Variants in NPHP4 observed in about 807,000 individuals in gnomAD.
NPHP4 encodes nephrocystin 4.
In NPHP4, 151 loss-of-function variants were observed where a neutral mutation model predicts 155.8. The ratio of observed to expected loss-of-function variants is 0.97; its 90% CI spans 0.85 to 1.11. The LOEUF is 1.11. Ranked by LOEUF, NPHP4 falls within the 50% of genes least tolerant of loss-of-function variation. The pLI, the probability that NPHP4 is intolerant of heterozygous loss-of-function variation, is 0.00. For missense variants in NPHP4, 1,956 were observed against 1,925.7 expected, an observed-to-expected ratio of 1.02 and a Z score of -0.29; for synonymous variants, 845 against 816.8, an observed-to-expected ratio of 1.03 and a Z score of -0.59.
intron 1 of NPHP4, among the ~76,000 whole-genome samples, chr1:5,987,697 G>C (rs1282878316): frequency 6.6e-6 from 1 of 152,224 alleles, no homozygotes; most frequent in African/African-American, 2.4e-5. Context: ...CATTTCTGCT[G>C]CAAACTGAAA....
intron 16 of NPHP4, among the ~76,000 whole-genome samples, chr1:5,895,099 G>T (rs775086245): frequency 2.4e-4 from 37 of 151,820 alleles, no homozygotes; most frequent in Non-Finnish European, 5.0e-4. Flanking sequence ...ACCAAACACC[G>T]CATGTTCTCA....
intron 23 of NPHP4, among the ~76,000 whole-genome samples, chr1:5,868,684 G>C (rs943063767): frequency 7.0e-6 from 1 of 142,720 alleles, no homozygotes; most frequent in African/African-American, 2.6e-5. Flanking sequence ...ACACATGCAT[G>C]TACACATATA....
At position 5,978,259 on chromosome 1, in the gene NPHP4, C is replaced by T. The variant is rs113902159; in HGVS notation, c.279+11G>A. 7.0e-4 allele frequency: 1,124 copies of T among 1,601,012 alleles called. 9 individuals carry two copies. The African/African-American group carries it at 0.013, about 18-fold the overall frequency. ...CTTGGAGCAGCCCCTGCCACCATCACCAGGGCCCACCTCATTAAAGACGAT... is the reference window on the plus strand; with the variant it reads ...CTTGGAGCAGCCCCTGCCACCATCATCAGGGCCCACCTCATTAAAGACGAT... On this transcript the variant is annotated intron_variant, in intron 3 of 29. Transcript: ENST00000378156.
intron 19 of NPHP4, chr1:5,879,597 C>T: frequency 1.9e-6 from 1 of 519,220 alleles, no homozygotes; most frequent in Non-Finnish European, 3.8e-6. Flanking sequence ...AGGGTTCCCA[C>T]TTCTCCAAAC....
chr1:5,863,309 C>A lies in NPHP4; in HGVS notation c.4237G>T (p.Asp1413Tyr), dbSNP rs115910810. 6.2e-7 allele frequency: 1 copy of A among 1,614,042 alleles called. No individual in the cohort carries two copies. The highest frequency in any genetic ancestry group is 8.5e-7 in the Non-Finnish European group (1 of 1,179,884). Residue 1413 changes from aspartate to tyrosine, a missense_variant, in exon 30 of 30, where the codon GAC (aspartate) becomes TAC (tyrosine). Asp to Tyr is a radical substitution (Grantham distance 160). Transcript: ENST00000378156. ...EILIYINDHE[D>Y]KNEEAFCVKV... is the part of the protein sequence containing the mutation. ...ACGCAAAATGCCTCTTCGTTTTTGT[C>A]CTCATGGTCATTGATGTAGATCAGG...
At chr1:5,951,348 C>T (rs1648000897) in intron 7 of NPHP4, among the ~76,000 whole-genome samples, 1 of 152,256 alleles carries the variant, frequency 6.6e-6, no homozygotes, top group Non-Finnish European at 1.5e-5. Context: ...GTTACCCACA[C>T]CAGTCTCTTG....
Position 5,952,796 on chromosome 1 carries a change from C to G in NPHP4, c.714G>C (p.Thr238=), listed in dbSNP as rs1011986078. The G allele has an allele frequency of 5.6e-6, 9 of 1,596,630 alleles. No individual in the cohort carries two copies. The Admixed American group carries it at 6.9e-5, about 12-fold the overall frequency. The change falls in exon 7 of 30, where the codon ACG becomes ACC. Residue 238 remains threonine, a synonymous_variant. Coordinates refer to ENST00000378156, the MANE Select transcript of NPHP4 (RefSeq NM_015102.5). Reference sequence around the variant, plus strand: ...TGAAGAATAAGTCATCCAAGTGCCCCGTGATGGGCTTCTGGAGGCGAGGCT... The same window carrying G: ...TGAAGAATAAGTCATCCAAGTGCCCGGTGATGGGCTTCTGGAGGCGAGGCT... ...LRKPRLQKPI[T]GHLDDLFFTL...
chr1:5,890,104 C>T lies in NPHP4; in HGVS notation c.2304+764G>A, dbSNP rs1480509481. Among the ~76,000 whole-genome samples the T allele has an allele frequency of 6.6e-6, 1 of 152,112 alleles. No homozygotes were observed. Among genetic ancestry groups the T allele is most frequent in the Non-Finnish European group, 1.5e-5 (1 of 68,012 alleles). ...CAGCTGCTGGAGAGGACAGGAAGCC[C>T]CGGGGGTTCAGCCGTGTCAGGAATC... On this transcript the variant is annotated intron_variant, in intron 17 of 29. Coordinates refer to ENST00000378156, the MANE Select transcript of NPHP4 (RefSeq NM_015102.5). This position sits in a 1 kb window ranked among gnomAD's most constrained non-coding sequence, Gnocchi z 4.9.
At chr1:5,967,458 A>T in intron 4 of NPHP4, 95 bp from the exon 5 acceptor site, 1 of 939,414 alleles carries the variant, frequency 1.1e-6, no homozygotes, top group Non-Finnish European at 1.7e-6. Flanking sequence ...CGCCCACTAG[A>T]GCTTTCTAAA....
intron 3 of NPHP4, among the ~76,000 whole-genome samples, chr1:5,975,805 G>A (rs1054037750): frequency 2.0e-5 from 3 of 152,236 alleles, no homozygotes; most frequent in African/African-American, 4.8e-5. Flanking sequence ...CGGAGTGCAT[G>A]AACATAATCC....
chr1:5,953,356 G>A (rs984763529), intron 6 of NPHP4, among the ~76,000 whole-genome samples: 2 of 152,090 alleles, frequency 1.3e-5, no homozygotes, highest in South Asian at 2.1e-4. Flanking sequence ...CGCCTACCTC[G>A]GCCTCCCAAA....
At chr1:5,898,431 G>A (rs1208257238) in intron 16 of NPHP4, among the ~76,000 whole-genome samples, 6 of 152,216 alleles carry the variant, frequency 3.9e-5, no homozygotes, top group Non-Finnish European at 8.8e-5. Context: ...GGGAGCCCTG[G>A]GCTCCTTGGC....
chr1:5,947,265 G>A, intron 8 of NPHP4, 35 bp from the exon 9 acceptor site: 1 of 1,608,380 alleles, frequency 6.2e-7, no homozygotes, highest in Non-Finnish European at 8.5e-7. Context: ...ACACATTAGA[G>A]CTCGAGCTCC....
Position 5,887,270 on chromosome 1 carries a change from G to A in NPHP4, c.2485+16C>T. ...GGCGGCCGCTGGAGAAATGGCACAAGGCTGGGGACTCTTACCCACGTTGGC... is the reference window on the plus strand; with the variant it reads ...GGCGGCCGCTGGAGAAATGGCACAAAGCTGGGGACTCTTACCCACGTTGGC... On this transcript the variant is annotated intron_variant, in intron 18 of 29. Transcript: ENST00000378156. The A allele has an allele frequency of 6.2e-7, 1 of 1,607,186 alleles. No homozygotes were observed. The highest frequency in any genetic ancestry group is 8.5e-7 in the Non-Finnish European group (1 of 1,176,664).
rs1644094210 is a variant in NPHP4 at position 5,890,949 on chromosome 1, G to A, written c.2223C>T (p.Tyr741=). Residue 741 remains tyrosine, a synonymous_variant, in exon 17 of 30, where the codon TAC becomes TAT. Coordinates refer to ENST00000378156, the MANE Select transcript of NPHP4 (RefSeq NM_015102.5). This position sits in a 1 kb window ranked among gnomAD's most constrained non-coding sequence, Gnocchi z 4.9. ...KPGERRCFAR[Y]LAVQTLQIDV... ...CAATCTGCAGGGTCTGCACGGCCAG[G>A]TAGCGGGCAAAGCAGCGCCGCTCAC... 1.2e-6 allele frequency: 2 copies of A among 1,605,730 alleles called. No homozygotes were observed. The highest frequency in any genetic ancestry group is 2.2e-5 in the South Asian group (2 of 90,192).
Position 5,961,540 on chromosome 1 carries a change from G to A in NPHP4, c.673+254C>T, listed in dbSNP as rs570515670. Among the ~76,000 whole-genome samples the A allele has an allele frequency of 3.0e-4, 46 of 152,278 alleles. No individual in the cohort carries two copies. The East Asian group carries it at 3.3e-3, about 11-fold the overall frequency. On this transcript the variant is annotated intron_variant, in intron 6 of 29. Coordinates refer to ENST00000378156, the MANE Select transcript of NPHP4 (RefSeq NM_015102.5). ...CAGAGACTTGAACTCTGTCTCTCAC[G>A]AAAGCATTTTCCCAACCAAAGCAGC...
intron 3 of NPHP4, among the ~76,000 whole-genome samples, chr1:5,972,330 C>T (rs1652719206): frequency 6.9e-6 from 1 of 145,330 alleles, no homozygotes; most frequent in Non-Finnish European, 1.5e-5. Flanking sequence ...CCAGACACTA[C>T]CCCTCAAAGA....
Position 5,927,532 on chromosome 1 carries a change from C to T in NPHP4, c.1441+117G>A, listed in dbSNP as rs564474101. On this transcript the variant is annotated intron_variant, in intron 11 of 29. Coordinates refer to ENST00000378156, the MANE Select transcript of NPHP4 (RefSeq NM_015102.5). The stretch of plus-strand genomic sequence containing the variant: ...TAACAGATTCCATTAATGCAATCTA[C>T]GACGATTATCTTACAAATGTGGTGA... The T allele has an allele frequency of 1.2e-4, 137 of 1,149,380 alleles. No homozygotes were observed. In the African/African-American group the frequency reaches 1.8e-3, roughly 15 times the overall value. The allele number at this position is 1,149,380 out of a possible 1,614,324, so 71.2% of individuals were successfully genotyped here. A position where few individuals can be genotyped will look rare whatever the true frequency, so the allele number is the denominator to read the frequency against.
intron 16 of NPHP4, among the ~76,000 whole-genome samples, chr1:5,894,980 A>AC (rs1277445578): frequency 6.6e-6 from 1 of 152,086 alleles, no homozygotes; most frequent in Non-Finnish European, 1.5e-5. Context: ...TGGCACATAC[A>AC]CCCCATGGAT....
Sources: allele counts gnomAD v4.1 joint callset (sites outside exome capture counted in the v4.1 genomes callset), GRCh38; gene constraint gnomAD v4.1.1; non-coding constraint Gnocchi (gnomAD v3.1); transcripts MANE v1.5; gene names NCBI Gene and HGNC (gene_info 2026-07-23, HGNC 2026-07-21).